TMEM269: variants seen among roughly 807,000 people sequenced by gnomAD.
The protein encoded by TMEM269 is transmembrane protein 269.
TMEM269 carries 12 observed loss-of-function variants against 15.8 expected under a neutral mutation model. That is an observed-to-expected ratio of 0.76 (90% CI 0.49 to 1.23). TMEM269 has a LOEUF of 1.23. TMEM269 is among the 50% of genes most tolerant of loss of function. The probability of loss-of-function intolerance (pLI) is 0.00; values close to 1 mark genes in which losing one functional copy is unlikely to be tolerated. For synonymous variants in TMEM269, 93 were observed against 99.3 expected, an observed-to-expected ratio of 0.94 and a Z score of 0.38; for missense variants, 211 against 245.4, an observed-to-expected ratio of 0.86 and a Z score of 0.94.
At position 42,793,638 on chromosome 1, in the gene TMEM269, C is replaced by A; in HGVS notation, c.177C>A (p.Phe59Leu). Reference sequence around the variant, plus strand: ...ATGACTTTGCCGTCTTCACCACCTTCGGCTTGGCCTCCGCTCTGCTCCTAG... The same window carrying A: ...ATGACTTTGCCGTCTTCACCACCTTAGGCTTGGCCTCCGCTCTGCTCCTAG... ...ELNDFAVFTT[F>L]GLASALLLGV... Residue 59 changes from phenylalanine to leucine, a missense_variant, in exon 4 of 6, where the codon TTC (phenylalanine) becomes TTA (leucine). Physicochemically the swap from Phe to Leu is conservative, Grantham distance 22. Coordinates refer to ENST00000637012, the MANE Select transcript of TMEM269 (RefSeq NM_001354602.2). 6.4e-7 allele frequency: 1 copy of A among 1,550,482 alleles called. No homozygotes were observed. Among genetic ancestry groups the A allele is most frequent in the Non-Finnish European group, 8.7e-7 (1 of 1,146,924 alleles).
chr1:42,789,700 C>T (rs1653645427), intron 1 of TMEM269, 96 bp from the exon 2 acceptor site: 1 of 830,596 alleles, frequency 1.2e-6, no homozygotes, highest in Non-Finnish European at 2.0e-6. Flanking sequence ...GGGAGGGTGC[C>T]ATTCTGGGAT....
At chr1:42,789,966 A>G (rs1163287161) in intron 2 of TMEM269, 32 bp downstream of exon 2, 4 of 1,492,258 alleles carry the variant, frequency 2.7e-6, no homozygotes, top group Non-Finnish European at 3.7e-6. Flanking sequence ...CTCTTAGCCA[A>G]GAGCTGGAGC....
chr1:42,790,661 G>A (rs1302080945), intron 2 of TMEM269, among the ~76,000 whole-genome samples: 3 of 150,884 alleles, frequency 2.0e-5, no homozygotes, highest in East Asian at 1.9e-4. Context: ...TCAAACACCT[G>A]GGCTCAAGTG....
chr1:42,790,090 A>C (rs902828218), intron 2 of TMEM269, among the ~76,000 whole-genome samples, 156 bp downstream of exon 2: 1 of 152,214 alleles, frequency 6.6e-6, no homozygotes, highest in African/African-American at 2.4e-5. Flanking sequence ...CCAAGATCCC[A>C]TGCTCAACGG....
intron 1 of TMEM269, among the ~76,000 whole-genome samples, chr1:42,787,280 C>G (rs1046456527): frequency 2.6e-5 from 4 of 152,220 alleles, no homozygotes; most frequent in African/African-American, 9.6e-5. Context: ...CTGAGTCTTC[C>G]TTGCTTTACC....
intron 1 of TMEM269, among the ~76,000 whole-genome samples, chr1:42,787,425 C>T (rs1224081162): frequency 6.6e-6 from 1 of 151,060 alleles, no homozygotes; most frequent in Non-Finnish European, 1.5e-5. Flanking sequence ...AAGGTGAAAC[C>T]CCGTCTCTAC....
chr1:42,787,889 G>T (rs953990792), intron 1 of TMEM269: 1 of 152,368 alleles, frequency 6.6e-6, no homozygotes, highest in African/African-American at 2.4e-5. Context: ...AGAGACCCAG[G>T]AGAGACCACT....
rs1653859398 is a variant in TMEM269 at position 42,799,859 on chromosome 1, G to C, written c.*1634G>C. ...TAAATTCTTAAGGACCAAGCAGCTGGAACAACACCACCACCACCAAAAGCG... is the reference window on the plus strand; with the variant it reads ...TAAATTCTTAAGGACCAAGCAGCTGCAACAACACCACCACCACCAAAAGCG... On this transcript the variant is annotated 3_prime_UTR_variant, in exon 6 of 6. Coordinates refer to ENST00000637012, the MANE Select transcript of TMEM269 (RefSeq NM_001354602.2). 1 of 152,080 alleles carries C rather than the reference G, an allele frequency of 6.6e-6. No homozygotes were observed. The highest frequency in any genetic ancestry group is 2.1e-4 in the South Asian group (1 of 4,828). 9.4% of individuals were successfully genotyped at this position (152,080 alleles called of 1,614,324 possible).
At chr1:42,791,535 T>C (rs1653685252) in intron 2 of TMEM269, among the ~76,000 whole-genome samples, 2 of 152,136 alleles carry the variant, frequency 1.3e-5, no homozygotes, top group African/African-American at 4.8e-5. Flanking sequence ...AAAACATGAT[T>C]TATCAAAACT....
At chr1:42,789,305 C>G (rs1653605378) in intron 1 of TMEM269, 2 of 744,334 alleles carry the variant, frequency 2.7e-6, no homozygotes, top group Admixed American at 4.5e-5. Context: ...GAACCAGGAC[C>G]TTGAGGCACC....
In TMEM269 at chr1:42,797,121, C is replaced by T. The variant is rs560416766; in HGVS notation, c.485-977C>T. ...GAATGTCTAGTGCAAAATAGATATT[C>T]CACAAACGTGAGTGCTCTTTTGCCT... On this transcript the variant is annotated intron_variant, in intron 5 of 5. Transcript: ENST00000637012. The surrounding 1 kb of genome is among the most constrained non-coding windows in gnomAD (Gnocchi z 4.9). Among the ~76,000 whole-genome samples, 1 of 152,208 alleles carries T rather than the reference C, an allele frequency of 6.6e-6. No homozygotes were observed. The highest frequency in any genetic ancestry group is 1.9e-4 in the East Asian group (1 of 5,176).
rs1408585596 is a variant in TMEM269, at chr1:42,800,063, C to T, written c.*1838C>T. The T allele has an allele frequency of 6.6e-6, 1 of 152,178 alleles. No homozygotes were observed. The allele number at this position is 152,178 out of a possible 1,614,324, so 9.4% of individuals were successfully genotyped here. A position where few individuals can be genotyped will look rare whatever the true frequency, so the allele number is the denominator to read the frequency against. ...AAGATGCAATTCTGAAAGAGAATTT[C>T]CATGTCCATTTTAAGTGACAGCAGC... On this transcript the variant is annotated 3_prime_UTR_variant, in exon 6 of 6. Transcript: ENST00000637012.
chr1:42,788,591 G>A lies in TMEM269; in HGVS notation c.-98-1205G>A, dbSNP rs201314081. ...GAGACTGGGAGCACTGGGGGGCCTG[G>A]GCTGGACGGTCCCACACACACAGGG... On this transcript the variant is annotated intron_variant, in intron 1 of 5. Coordinates refer to ENST00000637012, the MANE Select transcript of TMEM269 (RefSeq NM_001354602.2). This position sits in a 1 kb window ranked among gnomAD's most constrained non-coding sequence, Gnocchi z 4.0. Among the ~76,000 whole-genome samples, 10 of 152,244 alleles carry A rather than the reference G, an allele frequency of 6.6e-5. No homozygotes were observed. In the East Asian group the frequency reaches 1.9e-3, roughly 29 times the overall value.
rs1310583748 is a variant in TMEM269 at position 42,799,469 on chromosome 1, AC to A, written c.*1247del. Reference sequence around the variant, plus strand: ...TCAAATTAGATGTTTAAAAATAAAAACCCAAAGTAAGATTTGACTGTAACAG... The same window carrying A: ...TCAAATTAGATGTTTAAAAATAAAAACCAAAGTAAGATTTGACTGTAACAG... On this transcript the variant is annotated 3_prime_UTR_variant, in exon 6 of 6. Coordinates refer to ENST00000637012, the MANE Select transcript of TMEM269 (RefSeq NM_001354602.2). 1 of 152,156 alleles carries A rather than the reference AC, an allele frequency of 6.6e-6. No individual in the cohort carries two copies. Among genetic ancestry groups the A allele is most frequent in the Non-Finnish European group, 1.5e-5 (1 of 68,032 alleles). The allele number at this position is 152,156 out of a possible 1,614,324, so 9.4% of individuals were successfully genotyped here. A position where few individuals can be genotyped will look rare whatever the true frequency, so the allele number is the denominator to read the frequency against.
At chr1:42,796,875 C>T (rs1188235272) in intron 5 of TMEM269, 2 of 152,102 alleles carry the variant, frequency 1.3e-5, no homozygotes, top group African/African-American at 4.8e-5. Context: ...TTACAGGATA[C>T]ATGGTGATCA....
intron 5 of TMEM269, among the ~76,000 whole-genome samples, chr1:42,795,919 A>G (rs1042285390): frequency 6.6e-6 from 1 of 152,212 alleles, no homozygotes; most frequent in Non-Finnish European, 1.5e-5. Context: ...TCAAAGCTCC[A>G]GGAGCTGGCT....
chr1:42,787,397 G>A (rs573729074), intron 1 of TMEM269, among the ~76,000 whole-genome samples: 4 of 151,254 alleles, frequency 2.6e-5, no homozygotes, highest in African/African-American at 4.9e-5. Context: ...TCAGGAGATC[G>A]AGACCATCCT....
rs1226681631 is a variant in TMEM269, at chr1:42,785,045, T to G, written c.-136T>G. ...CGGGGCAGGAGGGCGGACCCCCATC[T>G]CATGTAGGAATGCCGTGTCCCCAGG... On this transcript the variant is annotated 5_prime_UTR_variant, in exon 1 of 6. Transcript: ENST00000637012. 6.6e-6 allele frequency: 1 copy of G among 152,378 alleles called. No individual in the cohort carries two copies. The highest frequency in any genetic ancestry group is 1.5e-5 in the Non-Finnish European group (1 of 68,234). The allele number at this position is 152,378 out of a possible 1,614,324, so 9.4% of individuals were successfully genotyped here.
At chr1:42,786,033 C>T (rs1388642595) in intron 1 of TMEM269, among the ~76,000 whole-genome samples, 1 of 152,176 alleles carries the variant, frequency 6.6e-6, no homozygotes, top group Non-Finnish European at 1.5e-5. Context: ...AATAAATAAA[C>T]CGCATTTTAA....
Sources: allele counts gnomAD v4.1 joint callset (sites outside exome capture counted in the v4.1 genomes callset), GRCh38; gene constraint gnomAD v4.1.1; non-coding constraint Gnocchi (gnomAD v3.1); transcripts MANE v1.5; gene names NCBI Gene and HGNC (gene_info 2026-07-23, HGNC 2026-07-21).